Variants in ZNF229 observed in about 807,000 individuals in gnomAD.
ZNF229 encodes zinc finger protein 229.
A neutral mutation model predicts 11.8 loss-of-function variants in ZNF229; 10 were observed. The ratio of observed to expected loss-of-function variants is 0.85; its 90% CI spans 0.52 to 1.44. The LOEUF (loss-of-function observed/expected upper bound fraction) is 1.44. Ranked by LOEUF, ZNF229 falls within the 40% of genes most tolerant of loss-of-function variation. The pLI, the probability that ZNF229 is intolerant of heterozygous loss-of-function variation, is 0.00. For synonymous variants in ZNF229, 368 were observed against 374.8 expected, an observed-to-expected ratio of 0.98 and a Z score of 0.21; for missense variants, 1,045 against 1,015.1, an observed-to-expected ratio of 1.03 and a Z score of -0.40.
At chr19:44,436,284 C>G (rs376485364) in intron 4 of ZNF229, among the ~76,000 whole-genome samples, 1 of 151,166 alleles carries the variant, frequency 6.6e-6, no homozygotes, top group Non-Finnish European at 1.5e-5. Flanking sequence ...GAGGTGGAAG[C>G]CTGGGGGTTC....
At chr19:44,445,157 C>G (rs1971982106) in intron 2 of ZNF229, among the ~76,000 whole-genome samples, 1 of 152,192 alleles carries the variant, frequency 6.6e-6, no homozygotes, top group Non-Finnish European at 1.5e-5. Flanking sequence ...TCCAATCCAT[C>G]AGCAAATACC....
intron 2 of ZNF229, among the ~76,000 whole-genome samples, chr19:44,443,727 T>C (rs1027013628): frequency 3.3e-5 from 5 of 152,168 alleles, no homozygotes; most frequent in Non-Finnish European, 7.4e-5. Context: ...GAATATGACA[T>C]AAAAATATCT....
rs757644266 is a variant in ZNF229 at position 44,432,413 on chromosome 19, A to T, written c.94-47T>A. 3.8e-6 allele frequency: 6 copies of T among 1,597,150 alleles called. No homozygotes were observed. In the South Asian group the frequency reaches 6.8e-5, roughly 18 times the overall value. ...ACAAACATCTACTAGATGAAGACAA[A>T]CTGGTGTCCACAGAGCAGGTTTATA... is the stretch of plus-strand genomic sequence containing the variant. On this transcript the variant is annotated intron_variant, in intron 4 of 5. Transcript: ENST00000614049.
chr19:44,446,939 CAAAT>C (rs1253445399), intron 2 of ZNF229, among the ~76,000 whole-genome samples: 2 of 152,038 alleles, frequency 1.3e-5, no homozygotes, highest in South Asian at 2.1e-4. Flanking sequence ...AGCTGCCTGA[CAAAT>C]AAATCAGCTG....
chr19:44,431,159 C>T (rs1316053880), intron 5 of ZNF229, among the ~76,000 whole-genome samples: 3 of 152,106 alleles, frequency 2.0e-5, no homozygotes, highest in South Asian at 2.1e-4. Flanking sequence ...AAGTGCACCA[C>T]CTGTGTCATC....
At position 44,428,903 on chromosome 19, in the gene ZNF229, T is replaced by C; in HGVS notation, c.1878A>G (p.Lys626=). ...TGCCACACTCAGCACATTTATAGGG[T>C]TTCTCTCCAGTGTGGACCCTCTGAT... ...LIHQRVHTGE[K]PYKCAECGKG... is the part of the protein sequence containing the mutation. The change falls in exon 6 of 6, where the codon AAA becomes AAG. Residue 626 remains lysine (K), a synonymous_variant. Coordinates refer to ENST00000614049, the MANE Select transcript of ZNF229 (RefSeq NM_014518.4). The C allele has an allele frequency of 6.2e-7, 1 of 1,605,722 alleles. No individual in the cohort carries two copies. The highest frequency in any genetic ancestry group is 8.5e-7 in the Non-Finnish European group (1 of 1,177,340).
intron 4 of ZNF229, among the ~76,000 whole-genome samples, chr19:44,442,323 A>G (rs979113333): frequency 2.6e-5 from 4 of 152,186 alleles, no homozygotes; most frequent in African/African-American, 9.7e-5. Context: ...CATAGCGGAA[A>G]GGTAGATTAT....
intron 4 of ZNF229, among the ~76,000 whole-genome samples, chr19:44,436,345 G>A (rs1390976458): frequency 6.7e-6 from 1 of 148,654 alleles, no homozygotes; most frequent in Non-Finnish European, 1.5e-5. Flanking sequence ...CTGGGTGACA[G>A]AGAGAACCGT....
chr19:44,447,160 T>C (rs1223709449), intron 2 of ZNF229, among the ~76,000 whole-genome samples: 2 of 152,170 alleles, frequency 1.3e-5, no homozygotes, highest in African/African-American at 4.8e-5. Context: ...ATTCAAATAT[T>C]TATTGGCAAG....
rs145445709 is a variant in ZNF229 at position 44,444,294 on chromosome 19, T to C, written c.-177-1270A>G. ...TCAAGTTCAGACAAACAGATACACA[T>C]ACTTGGGCTGTCTACTCTAGGACAC... On this transcript the variant is annotated intron_variant, in intron 2 of 5. Coordinates refer to ENST00000614049, the MANE Select transcript of ZNF229 (RefSeq NM_014518.4). 8.1e-3 allele frequency among the ~76,000 whole-genome samples: 1,238 copies of C among 152,242 alleles called. 16 individuals carry two copies. Among genetic ancestry groups the C allele is most frequent in the Middle Eastern group, 0.024 (7 of 294 alleles).
At chr19:44,442,532 G>T (rs762953458) in intron 4 of ZNF229, 31 bp downstream of exon 4, 7 of 1,609,208 alleles carry the variant, frequency 4.3e-6, no homozygotes, top group Non-Finnish European at 6.0e-6. Context: ...GCCTAAGGTG[G>T]TATTTCGGGA....
In ZNF229 at chr19:44,428,503, T is replaced by G; in HGVS notation, c.2278A>C (p.Arg760=). The G allele has an allele frequency of 6.2e-7, 1 of 1,613,980 alleles. No homozygotes were observed. The highest frequency in any genetic ancestry group is 8.5e-7 in the Non-Finnish European group (1 of 1,179,990). ...TAGGGTTTCTCACCAGTGTGGACCC[T>G]CTGATGACCTTGAAGATGTGAGCTC... ...SQSSHLQGHQ[R]VHTGEKPYKC... is the part of the protein sequence containing the mutation. The change falls in exon 6 of 6, where the codon AGG becomes CGG. Residue 760 remains arginine (R), a synonymous_variant. Transcript: ENST00000614049.
At chr19:44,438,966 G>A (rs906759831) in intron 4 of ZNF229, among the ~76,000 whole-genome samples, 1 of 152,212 alleles carries the variant, frequency 6.6e-6, no homozygotes, top group African/African-American at 2.4e-5. Flanking sequence ...AGAGTGGGTT[G>A]TGGGAACCCC....
At chr19:44,432,605 C>T (rs1326172510) in intron 4 of ZNF229, among the ~76,000 whole-genome samples, 1 of 151,860 alleles carries the variant, frequency 6.6e-6, no homozygotes, top group African/African-American at 2.4e-5. Context: ...AAACCAAACT[C>T]CGCATGTTCT....
chr19:44,428,924 C>A lies in ZNF229; in HGVS notation c.1857G>T (p.Gln619His). 2 of 1,613,728 alleles carry A rather than the reference C, an allele frequency of 1.2e-6. No homozygotes were observed. The highest frequency in any genetic ancestry group is 1.7e-6 in the Non-Finnish European group (2 of 1,179,980). Reference protein sequence around the residue: ...FIYSSDLLIHQRVHTGEKPYK... With the variant: ...FIYSSDLLIHHRVHTGEKPYK... ...AGGGTTTCTCTCCAGTGTGGACCCTCTGATGGATAAGGAGGTCGGAGCTGT... is the reference window on the plus strand; with the variant it reads ...AGGGTTTCTCTCCAGTGTGGACCCTATGATGGATAAGGAGGTCGGAGCTGT... Residue 619 changes from glutamine to histidine, a missense_variant, in exon 6 of 6, where the codon CAG becomes CAT. Physicochemically the swap from Gln to His is conservative, Grantham distance 24. Coordinates refer to ENST00000614049, the MANE Select transcript of ZNF229 (RefSeq NM_014518.4).
At chr19:44,444,989 A>C (rs1971979333) in intron 2 of ZNF229, among the ~76,000 whole-genome samples, 1 of 152,084 alleles carries the variant, frequency 6.6e-6, no homozygotes, top group African/African-American at 2.4e-5. Flanking sequence ...CACACTGATG[A>C]CTCCATGGCA....
In ZNF229 at chr19:44,448,294, A is replaced by T. The variant is rs1972037586; in HGVS notation, c.-266+15T>A. On this transcript the variant is annotated intron_variant, in intron 1 of 5. Coordinates refer to ENST00000614049, the MANE Select transcript of ZNF229 (RefSeq NM_014518.4). ...GAATGTTCGATACGTGCGCCTCCTT[A>T]CACCCCTGCCTCACCAGGCCGAGCT... The T allele has an allele frequency of 6.6e-6, 1 of 152,084 alleles. No individual in the cohort carries two copies. The highest frequency in any genetic ancestry group is 2.4e-5 in the African/African-American group (1 of 41,364). 9.4% of individuals were successfully genotyped at this position (152,084 alleles called of 1,614,324 possible).
chr19:44,447,990 C>T (rs1006090615), intron 1 of ZNF229, among the ~76,000 whole-genome samples: 1 of 152,224 alleles, frequency 6.6e-6, no homozygotes, highest in South Asian at 2.1e-4. Flanking sequence ...AAACCAACTC[C>T]TAGGACTTGC....
intron 4 of ZNF229, among the ~76,000 whole-genome samples, chr19:44,441,703 C>T (rs1043968414): frequency 1.6e-4 from 25 of 152,200 alleles, no homozygotes; most frequent in African/African-American, 5.3e-4. Flanking sequence ...GATATGTGTA[C>T]ATATATGTGT....
Sources: allele counts gnomAD v4.1 joint callset (sites outside exome capture counted in the v4.1 genomes callset), GRCh38; gene constraint gnomAD v4.1.1; transcripts MANE v1.5; gene names NCBI Gene and HGNC (gene_info 2026-07-23, HGNC 2026-07-21).